NAA60: variants seen among roughly 807,000 people sequenced by gnomAD.
The protein encoded by NAA60 is N-alpha-acetyltransferase 60.
NAA60 carries 8 observed loss-of-function variants against 26.1 expected under a neutral mutation model. The observed-to-expected ratio is 0.31, with a 90% CI of 0.18 to 0.55. The LOEUF is 0.55. NAA60 is among the 20% of genes least tolerant of loss of function. NAA60 has a pLI of 0.93. For missense variants in NAA60, 290 were observed against 311.3 expected, an observed-to-expected ratio of 0.93 and a Z score of 0.51; for synonymous variants, 131 against 122.5, an observed-to-expected ratio of 1.07 and a Z score of -0.46.
At chr16:3,454,453 A>T (rs2034898501) in intron 2 of NAA60, among the ~76,000 whole-genome samples, 1 of 152,218 alleles carries the variant, frequency 6.6e-6, no homozygotes, top group African/African-American at 2.4e-5. Context: ...GACTCTCATA[A>T]ATAAGGAGTT....
chr16:3,462,040 T>C (rs1206997151), intron 2 of NAA60, among the ~76,000 whole-genome samples: 1 of 135,144 alleles, frequency 7.4e-6, no homozygotes, highest in Non-Finnish European at 1.5e-5. Context: ...TAAGTTGAGA[T>C]GGTGCCACTG....
At chr16:3,463,405 C>T (rs1329352943) in intron 2 of NAA60, among the ~76,000 whole-genome samples, 4 of 151,302 alleles carry the variant, frequency 2.6e-5, no homozygotes, top group Admixed American at 1.3e-4. Flanking sequence ...CAAAAATTAC[C>T]TGAGTGTAGT....
chr16:3,446,599 C>T (rs2034566149), intron 1 of NAA60, among the ~76,000 whole-genome samples: 1 of 144,588 alleles, frequency 6.9e-6, no homozygotes, highest in South Asian at 2.2e-4. Context: ...GAGATCACCA[C>T]TATTTACTCT....
At chr16:3,449,627 G>A (rs2150945732) in intron 2 of NAA60, among the ~76,000 whole-genome samples, 1 of 152,332 alleles carries the variant, frequency 6.6e-6, no homozygotes. Flanking sequence ...GGAGGTTGCA[G>A]TGAGCTGAGA....
At chr16:3,461,951 G>A (rs1425553327) in intron 2 of NAA60, among the ~76,000 whole-genome samples, 6 of 152,064 alleles carry the variant, frequency 3.9e-5, no homozygotes, top group Non-Finnish European at 7.4e-5. Flanking sequence ...GCCAGGCATG[G>A]TGGTGCGCAT....
intron 2 of NAA60, among the ~76,000 whole-genome samples, chr16:3,460,674 G>A (rs1043271207): frequency 6.6e-6 from 1 of 152,136 alleles, no homozygotes; most frequent in Non-Finnish European, 1.5e-5. Context: ...CCGCCCTCAT[G>A]GCTTTTACAC....
At position 3,448,713 on chromosome 16, in the gene NAA60, G is replaced by A. The variant is rs2034651966; in HGVS notation, c.-7+173G>A. The stretch of plus-strand genomic sequence containing the variant: ...AATGCTTTCACTTTTTTGCTAGGAG[G>A]GTAAATGAGTATATTCTTACGTTAG... On this transcript the variant is annotated intron_variant, in intron 2 of 7. Coordinates refer to ENST00000407558, the MANE Select transcript of NAA60 (RefSeq NM_001083601.3). 1.0e-5 allele frequency: 6 copies of A among 574,534 alleles called. No homozygotes were observed. The South Asian group carries it at 1.1e-4, about 10-fold the overall frequency. The allele number at this position is 574,534 out of a possible 1,614,324, so 35.6% of individuals were successfully genotyped here.
chr16:3,482,027 C>T (rs779707888), intron 4 of NAA60, among the ~76,000 whole-genome samples: 14 of 152,116 alleles, frequency 9.2e-5, no homozygotes, highest in African/African-American at 3.1e-4. Flanking sequence ...AGGGGTTGGA[C>T]GGCCGCCCAA....
At position 3,479,696 on chromosome 16, in the gene NAA60, C is replaced by T. The variant is rs77842068; in HGVS notation, c.240+96C>T. ...ATCATGCTGCCTGCTCCACAGCCGTCGTCCAAGGAGCCTGTGACCCAAGGA... is the reference window on the plus strand; with the variant it reads ...ATCATGCTGCCTGCTCCACAGCCGTTGTCCAAGGAGCCTGTGACCCAAGGA... On this transcript the variant is annotated intron_variant, in intron 4 of 7. Transcript: ENST00000407558. 11,349 of 1,437,518 alleles carry T rather than the reference C, an allele frequency of 7.9e-3. 41 individuals are homozygous for T. The highest frequency in any genetic ancestry group is 9.5e-3 in the Non-Finnish European group (10,075 of 1,061,454). The allele number at this position is 1,437,518 out of a possible 1,614,324, so 89.0% of individuals were successfully genotyped here. A position where few individuals can be genotyped will look rare whatever the true frequency, so the allele number is the denominator to read the frequency against.
chr16:3,456,403 A>G (rs746378862), intron 2 of NAA60, among the ~76,000 whole-genome samples: 3 of 151,694 alleles, frequency 2.0e-5, no homozygotes, highest in South Asian at 2.1e-4. Flanking sequence ...TCTTCTAGCC[A>G]GTGGGAAAGG....
At chr16:3,483,138 G>A (rs1736071711) in intron 5 of NAA60, among the ~76,000 whole-genome samples, 1 of 152,212 alleles carries the variant, frequency 6.6e-6, no homozygotes, top group Non-Finnish European at 1.5e-5. Context: ...CCATGGGAGG[G>A]CGCTACCAGG....
At chr16:3,480,545 C>T (rs963410847) in intron 4 of NAA60, among the ~76,000 whole-genome samples, 1 of 150,842 alleles carries the variant, frequency 6.6e-6, no homozygotes, top group African/African-American at 2.4e-5. Flanking sequence ...TGCAGTGAGC[C>T]GAGATCGTGC....
chr16:3,467,504 C>T (rs1318309091), intron 2 of NAA60, among the ~76,000 whole-genome samples: 1 of 152,090 alleles, frequency 6.6e-6, no homozygotes, highest in Non-Finnish European at 1.5e-5. Flanking sequence ...GAGGAGGAGT[C>T]CCCCGTGGAC....
chr16:3,453,512 G>A (rs976697411), intron 2 of NAA60, among the ~76,000 whole-genome samples: 11 of 152,094 alleles, frequency 7.2e-5, no homozygotes, highest in Non-Finnish European at 1.6e-4. Context: ...AGGTTCAAGC[G>A]ATTCTTCTGC....
At chr16:3,465,654 C>T (rs2035709496) in intron 2 of NAA60, among the ~76,000 whole-genome samples, 1 of 152,152 alleles carries the variant, frequency 6.6e-6, no homozygotes, top group Admixed American at 6.5e-5. Flanking sequence ...TGGATCCCTG[C>T]CTTCTTCTGT....
At chr16:3,475,074 C>T (rs2036392594) in intron 2 of NAA60, among the ~76,000 whole-genome samples, 1 of 150,966 alleles carries the variant, frequency 6.6e-6, no homozygotes, top group Non-Finnish European at 1.5e-5. Flanking sequence ...AGCCACCACA[C>T]CCAGCCTTCC....
chr16:3,485,099 G>A lies in NAA60; in HGVS notation c.*206+38G>A. On this transcript the variant is annotated intron_variant, in intron 7 of 7. Transcript: ENST00000407558. The stretch of plus-strand genomic sequence containing the variant: ...AGACACAAAGGTATGGGAGCTTGGT[G>A]CCTCCAGCCACAAAAGTGGAAGGCC... 3.2e-6 allele frequency: 4 copies of A among 1,259,266 alleles called. No individual in the cohort carries two copies. In the South Asian group the frequency reaches 5.2e-5, roughly 16 times the overall value. The allele number at this position is 1,259,266 out of a possible 1,614,324, so 78.0% of individuals were successfully genotyped here. A position where few individuals can be genotyped will look rare whatever the true frequency, so the allele number is the denominator to read the frequency against.
intron 2 of NAA60, among the ~76,000 whole-genome samples, chr16:3,470,046 C>T (rs375541116): frequency 5.3e-5 from 8 of 152,320 alleles, no homozygotes; most frequent in South Asian, 2.1e-4. Flanking sequence ...TCCTTTGTCT[C>T]GTGTCAGGGG....
At chr16:3,445,930 A>C (rs2034532285) in intron 1 of NAA60, among the ~76,000 whole-genome samples, 1 of 152,222 alleles carries the variant, frequency 6.6e-6, no homozygotes, top group Non-Finnish European at 1.5e-5. Context: ...AGTCCAAGAT[A>C]GACCAAGATT....
Sources: gnomAD v4.1 joint callset for allele counts (sites outside exome capture counted in the v4.1 genomes callset) on GRCh38, gnomAD v4.1.1 for gene constraint, MANE v1.5 for transcripts, NCBI Gene and HGNC (gene_info 2026-07-23, HGNC 2026-07-21) for gene names.